Variants in UBAP1 observed in about 807,000 individuals in gnomAD.
UBAP1 encodes ubiquitin associated protein 1, also known as ubiquitin-associated protein 1.
In UBAP1, 5 loss-of-function variants were observed where a neutral mutation model predicts 39.0. The observed-to-expected ratio is 0.13, with a 90% CI of 0.07 to 0.27. The LOEUF (loss-of-function observed/expected upper bound fraction) is 0.27. UBAP1 is among the 10% of genes least tolerant of loss of function. The pLI is 1.00. For synonymous variants in UBAP1, 211 were observed against 225.1 expected (o/e 0.94, Z 0.56); for missense variants, 490 against 608.1 (o/e 0.81, Z 2.04).
At chr9:34,240,007 A>T (rs1563919211) in intron 3 of UBAP1, among the ~76,000 whole-genome samples, 1 of 152,214 alleles carries the variant, frequency 6.6e-6, no homozygotes, top group Non-Finnish European at 1.5e-5. Flanking sequence ...GAAATTTCCA[A>T]TTTTTTTAAA....
At chr9:34,217,915 A>G (rs936306439) in intron 1 of UBAP1, among the ~76,000 whole-genome samples, 6 of 141,766 alleles carry the variant, frequency 4.2e-5, no homozygotes, top group Non-Finnish European at 7.5e-5. Flanking sequence ...CTCATGCTGG[A>G]TTTCATTCAT....
intron 1 of UBAP1, among the ~76,000 whole-genome samples, chr9:34,215,632 AG>A (rs1434043627): frequency 6.6e-6 from 1 of 152,076 alleles, no homozygotes; most frequent in Non-Finnish European, 1.5e-5. Context: ...ATCACCACTA[AG>A]GAACTTATGT....
intron 1 of UBAP1, among the ~76,000 whole-genome samples, chr9:34,180,483 G>C (rs1401213117): frequency 2.0e-5 from 3 of 151,364 alleles, no homozygotes; most frequent in Non-Finnish European, 4.4e-5. Flanking sequence ...ACTCCAGCCT[G>C]GGCAACAGAG....
intron 3 of UBAP1, among the ~76,000 whole-genome samples, chr9:34,240,481 A>C (rs767971830): frequency 2.0e-5 from 3 of 152,118 alleles, no homozygotes; most frequent in Non-Finnish European, 4.4e-5. Flanking sequence ...GTCCTATGTG[A>C]ATGTTGCTTT....
At chr9:34,230,560 T>C (rs970671968) in intron 2 of UBAP1, among the ~76,000 whole-genome samples, 8 of 152,208 alleles carry the variant, frequency 5.3e-5, no homozygotes, top group African/African-American at 1.9e-4. Flanking sequence ...TCAATAACAT[T>C]TGAGTCCCTA....
At chr9:34,232,594 TTC>T (rs1833482055) in intron 2 of UBAP1, among the ~76,000 whole-genome samples, 1 of 152,166 alleles carries the variant, frequency 6.6e-6, no homozygotes, top group Non-Finnish European at 1.5e-5. Context: ...GTAGGGGGCA[TTC>T]TTCCTAATGG....
In UBAP1 at chr9:34,252,484, G is replaced by C. The variant is rs1044793500; in HGVS notation, c.*952G>C. ...AAATAATTTGCTAACTAACTATTTT[G>C]ATTCTTCAGAGAGAACTACTAATAA... On this transcript the variant is annotated 3_prime_UTR_variant, in exon 7 of 7. Coordinates refer to ENST00000297661, the MANE Select transcript of UBAP1 (RefSeq NM_016525.5). 1.3e-5 allele frequency: 2 copies of C among 152,408 alleles called. No individual in the cohort carries two copies. Among genetic ancestry groups the C allele is most frequent in the African/African-American group, 4.8e-5 (2 of 41,366 alleles). 9.4% of individuals were successfully genotyped at this position (152,408 alleles called of 1,614,324 possible). A position where few individuals can be genotyped will look rare whatever the true frequency, so the allele number is the denominator to read the frequency against.
chr9:34,190,048 GGA>G (rs1241010714), intron 1 of UBAP1, among the ~76,000 whole-genome samples: 1 of 152,112 alleles, frequency 6.6e-6, no homozygotes, highest in Non-Finnish European at 1.5e-5. Context: ...AAAATAGAAG[GGA>G]GAGGATCAGG....
chr9:34,186,290 T>G (rs1394419310), intron 1 of UBAP1, among the ~76,000 whole-genome samples: 1 of 152,232 alleles, frequency 6.6e-6, no homozygotes, highest in South Asian at 2.1e-4. Context: ...TGAAAGTTTC[T>G]TTTTTATATT....
chr9:34,232,503 G>A (rs1177025318), intron 2 of UBAP1, among the ~76,000 whole-genome samples: 4 of 152,298 alleles, frequency 2.6e-5, no homozygotes, highest in African/African-American at 7.2e-5. Flanking sequence ...CTAAGTGAGC[G>A]ATAGTTCAAA....
At chr9:34,231,711 C>A (rs1427020833) in intron 2 of UBAP1, among the ~76,000 whole-genome samples, 1 of 151,434 alleles carries the variant, frequency 6.6e-6, no homozygotes, top group South Asian at 2.1e-4. Context: ...GTGGTGCGAT[C>A]TTGACTCACT....
intron 1 of UBAP1, among the ~76,000 whole-genome samples, chr9:34,183,159 T>G (rs185453806): frequency 7.6e-4 from 116 of 152,282 alleles, no homozygotes; most frequent in African/African-American, 2.7e-3. Flanking sequence ...TTCCTACAGA[T>G]TCATTAAAAA....
At chr9:34,180,969 G>T (rs1479190976) in intron 1 of UBAP1, among the ~76,000 whole-genome samples, 1 of 151,106 alleles carries the variant, frequency 6.6e-6, no homozygotes, top group Non-Finnish European at 1.5e-5. Context: ...CACCACTACG[G>T]CTGGCTAATT....
chr9:34,224,912 CT>C (rs1349484491), intron 2 of UBAP1, among the ~76,000 whole-genome samples: 19 of 152,300 alleles, frequency 1.2e-4, no homozygotes, highest in African/African-American at 3.4e-4. Context: ...AGTTCATAGA[CT>C]TGCTTTCTTG....
At chr9:34,214,501 A>T (rs1268553428) in intron 1 of UBAP1, among the ~76,000 whole-genome samples, 1 of 152,048 alleles carries the variant, frequency 6.6e-6, no homozygotes, top group Non-Finnish European at 1.5e-5. Context: ...TATACAAGAT[A>T]GATTAAGGAC....
At position 34,234,301 on chromosome 9, in the gene UBAP1, C is replaced by T; in HGVS notation, c.120C>T (p.Phe40=). ...TPAKVGLPIG[F]SLPDCLQVVR... ...CTAAAGTTGGTCTACCTATTGGCTTCTCCTTGCCTGATTGTTTGCAGGTTG... is the reference window on the plus strand; with the variant it reads ...CTAAAGTTGGTCTACCTATTGGCTTTTCCTTGCCTGATTGTTTGCAGGTTG... The change falls in exon 3 of 7, where the codon TTC becomes TTT. Residue 40 remains phenylalanine (F), a synonymous_variant. Coordinates refer to ENST00000297661, the MANE Select transcript of UBAP1 (RefSeq NM_016525.5). 2 of 1,611,322 alleles carry T rather than the reference C, an allele frequency of 1.2e-6. No individual in the cohort carries two copies.
intron 1 of UBAP1, among the ~76,000 whole-genome samples, chr9:34,211,778 C>G (rs995908730): frequency 6.6e-6 from 1 of 151,856 alleles, no homozygotes; most frequent in Non-Finnish European, 1.5e-5. Flanking sequence ...GCTCCTCCTT[C>G]TCTCCCTGCA....
At chr9:34,219,675 T>TCCCTC (rs1157090384) in intron 1 of UBAP1, among the ~76,000 whole-genome samples, 6 of 140,058 alleles carry the variant, frequency 4.3e-5, no homozygotes, top group Admixed American at 2.1e-4. Flanking sequence ...TTGTCTTGTC[T>TCCCTC]CCCTCCCCTC....
intron 1 of UBAP1, among the ~76,000 whole-genome samples, chr9:34,188,725 G>A (rs1482617545): frequency 8.5e-5 from 13 of 152,130 alleles, no homozygotes. Flanking sequence ...GGGAGGCTGA[G>A]GCGTGTGGAT....
Sources: allele counts gnomAD v4.1 joint callset (sites outside exome capture counted in the v4.1 genomes callset), GRCh38; gene constraint gnomAD v4.1.1; transcripts MANE v1.5; gene names NCBI Gene and HGNC (gene_info 2026-07-23, HGNC 2026-07-21).